Variants in ERC1 observed in about 807,000 individuals in gnomAD.
The protein encoded by ERC1 is ELKS/RAB6-interacting/CAST family member 1, also known as RAB6 interacting protein 2.
A neutral mutation model predicts 132.0 loss-of-function variants in ERC1; 56 were observed. The ratio of observed to expected loss-of-function variants is 0.42; its 90% CI spans 0.34 to 0.53. The LOEUF (loss-of-function observed/expected upper bound fraction) is 0.53. Ranked by LOEUF, ERC1 falls within the 20% of genes least tolerant of loss-of-function variation. The probability of loss-of-function intolerance (pLI) is 0.03; values close to 1 mark genes in which losing one functional copy is unlikely to be tolerated. For synonymous variants in ERC1, 478 were observed against 476.1 expected (o/e 1.00, Z -0.05); for missense variants, 1,202 against 1,349.9 (o/e 0.89, Z 1.72).
chr12:1,244,174 T>C (rs762245461), intron 13 of ERC1, among the ~76,000 whole-genome samples: 1 of 152,210 alleles, frequency 6.6e-6, no homozygotes, highest in Admixed American at 6.5e-5. Flanking sequence ...TTCTGTATTA[T>C]TGTTAATGAA....
intron 17 of ERC1, among the ~76,000 whole-genome samples, chr12:1,441,926 T>C (rs1261395784): frequency 1.3e-5 from 2 of 152,086 alleles, no homozygotes; most frequent in African/African-American, 2.4e-5. Context: ...GAGTATACTT[T>C]TTGTTGTTGT....
At chr12:1,293,165 C>T (rs2079588366) in intron 15 of ERC1, among the ~76,000 whole-genome samples, 1 of 138,588 alleles carries the variant, frequency 7.2e-6, no homozygotes, top group Non-Finnish European at 1.6e-5. Context: ...AAAAAATTAA[C>T]CAGGCATGGC....
intron 2 of ERC1, among the ~76,000 whole-genome samples, chr12:1,077,287 C>T (rs1565918834): frequency 6.6e-6 from 1 of 152,084 alleles, no homozygotes; most frequent in African/African-American, 2.4e-5. Flanking sequence ...TGAGAATAAA[C>T]GGGATCAAAG....
intron 12 of ERC1, among the ~76,000 whole-genome samples, chr12:1,220,805 T>C (rs1958906075): frequency 6.6e-6 from 1 of 152,246 alleles, no homozygotes; most frequent in Non-Finnish European, 1.5e-5. Context: ...TAACCCTTGC[T>C]GGAGGCGGTG....
Position 1,417,987 on chromosome 12 carries a change from C to T in ERC1, c.3024+9740C>T, listed in dbSNP as rs575648322. Among the ~76,000 whole-genome samples the T allele has an allele frequency of 2.0e-5, 3 of 152,206 alleles. No homozygotes were observed. The East Asian group carries it at 5.8e-4, about 29-fold the overall frequency. On this transcript the variant is annotated intron_variant, in intron 17 of 18. Coordinates refer to ENST00000360905, the MANE Select transcript of ERC1 (RefSeq NM_178040.4). ...AATCCTAAGAGATAGATACCATTTT[C>T]ATTATTTTACTGCTGAGGAAACTGA... is the stretch of plus-strand genomic sequence containing the variant.
intron 2 of ERC1, among the ~76,000 whole-genome samples, chr12:1,029,904 C>A (rs903323416): frequency 6.6e-6 from 1 of 151,940 alleles, no homozygotes; most frequent in Non-Finnish European, 1.5e-5. Context: ...CCCGCCACCA[C>A]GCCTGGCTAA....
intron 15 of ERC1, among the ~76,000 whole-genome samples, chr12:1,305,068 C>T (rs1022955134): frequency 6.6e-6 from 1 of 152,158 alleles, no homozygotes; most frequent in Non-Finnish European, 1.5e-5. Context: ...GCGTGAGCCA[C>T]TGCTCCCGGC....
At chr12:1,143,329 C>CT (rs1491528616) in intron 8 of ERC1, among the ~76,000 whole-genome samples, 1 of 128,890 alleles carries the variant, frequency 7.8e-6, no homozygotes, top group South Asian at 3.1e-4. Flanking sequence ...GCTTTTGACT[C>CT]GTGTGTGTGT....
At chr12:1,163,756 C>T (rs989523279) in intron 8 of ERC1, among the ~76,000 whole-genome samples, 7 of 152,242 alleles carry the variant, frequency 4.6e-5, no homozygotes, top group African/African-American at 1.7e-4. Context: ...CACTCTGTCA[C>T]CCAGGCTGGA....
intron 12 of ERC1, among the ~76,000 whole-genome samples, chr12:1,230,203 T>C (rs1178895884): frequency 6.6e-6 from 1 of 152,126 alleles, no homozygotes; most frequent in Admixed American, 6.5e-5. Context: ...TTCACCATGT[T>C]GGCCAGGCTA....
chr12:1,226,746 G>A (rs2074607849), intron 12 of ERC1, among the ~76,000 whole-genome samples: 1 of 152,078 alleles, frequency 6.6e-6, no homozygotes, highest in Admixed American at 6.5e-5. Context: ...GCGTAGTCTC[G>A]GCTCACTGCA....
chr12:1,424,704 T>TTTGAAAAAAAAAAAAATGGTATTTC (rs2092551042), intron 17 of ERC1, among the ~76,000 whole-genome samples: 5 of 152,142 alleles, frequency 3.3e-5, no homozygotes, highest in Admixed American at 3.3e-4. Flanking sequence ...GGTTTTGACC[T>TTTGAAAAAAAAAAAAATGGTATTTC]TTGAAAAAGA....
chr12:1,352,598 A>G (rs2085105181), intron 15 of ERC1, among the ~76,000 whole-genome samples: 1 of 151,614 alleles, frequency 6.6e-6, no homozygotes, highest in African/African-American at 2.4e-5. Flanking sequence ...TCACATTGAG[A>G]TCTGTCAGTA....
intron 15 of ERC1, among the ~76,000 whole-genome samples, chr12:1,307,235 T>C (rs2080950977): frequency 1.3e-5 from 2 of 152,246 alleles, no homozygotes; most frequent in South Asian, 2.1e-4. Flanking sequence ...TAACTGAGTT[T>C]AATGAGTATT....
chr12:1,050,700 C>CA (rs1565863169), intron 2 of ERC1, among the ~76,000 whole-genome samples: 1 of 151,722 alleles, frequency 6.6e-6, no homozygotes, highest in Non-Finnish European at 1.5e-5. Flanking sequence ...AAACATTTGC[C>CA]AAAAAATAAA....
At chr12:1,021,341 C>A (rs553938794) in intron 1 of ERC1, among the ~76,000 whole-genome samples, 3 of 152,176 alleles carry the variant, frequency 2.0e-5, no homozygotes, top group African/African-American at 7.2e-5. Context: ...GTGTTTGCAG[C>A]GGGCCACTTT....
At chr12:1,325,889 T>C (rs1230500755) in intron 15 of ERC1, among the ~76,000 whole-genome samples, 1 of 152,162 alleles carries the variant, frequency 6.6e-6, no homozygotes, top group Non-Finnish European at 1.5e-5. Context: ...TGTGACTCAT[T>C]TCTTTATTTG....
At chr12:1,195,460 A>G (rs550916676) in intron 12 of ERC1, among the ~76,000 whole-genome samples, 38 of 152,218 alleles carry the variant, frequency 2.5e-4, no homozygotes, top group Non-Finnish European at 4.9e-4. Flanking sequence ...TTTAAAGCCA[A>G]TCAGGATAAT....
At chr12:1,354,707 G>A (rs919235981) in intron 15 of ERC1, among the ~76,000 whole-genome samples, 48 of 152,310 alleles carry the variant, frequency 3.2e-4, no homozygotes, top group African/African-American at 1.1e-3. Flanking sequence ...CTGGAGTGCC[G>A]AAGCGCAGTG....
Sources: gnomAD v4.1 joint callset for allele counts (sites outside exome capture counted in the v4.1 genomes callset) on GRCh38, gnomAD v4.1.1 for gene constraint, MANE v1.5 for transcripts, NCBI Gene and HGNC (gene_info 2026-07-23, HGNC 2026-07-21) for gene names.